The following GPC5 variants were observed in gnomAD, a reference collection of about 807,000 sequenced individuals.
GPC5 encodes the protein glypican 5, also known as glypican-5.
GPC5 carries 47 observed loss-of-function variants against 53.9 expected under a neutral mutation model. The observed-to-expected ratio is 0.87, with a 90% CI of 0.69 to 1.11. The LOEUF is 1.11. GPC5 is among the 50% of genes most tolerant of loss of function. GPC5 has a pLI of 0.00. For missense variants in GPC5, 748 were observed against 713.1 expected, an observed-to-expected ratio of 1.05 and a Z score of -0.56; for synonymous variants, 286 against 263.3, an observed-to-expected ratio of 1.09 and a Z score of -0.84.
At chr13:92,408,375 G>T (rs1462900166) in intron 7 of GPC5, among the ~76,000 whole-genome samples, 1 of 152,026 alleles carries the variant, frequency 6.6e-6, no homozygotes, top group Non-Finnish European at 1.5e-5. Flanking sequence ...ATCATAATTT[G>T]TGTTCCCCTG....
chr13:91,701,195 C>T (rs2035984594), intron 3 of GPC5, among the ~76,000 whole-genome samples: 1 of 152,046 alleles, frequency 6.6e-6, no homozygotes, highest in South Asian at 2.1e-4. Flanking sequence ...ACCTCATGTA[C>T]ACATTTTTTT....
At chr13:91,758,606 T>A (rs1290813664) in intron 5 of GPC5, among the ~76,000 whole-genome samples, 1 of 152,168 alleles carries the variant, frequency 6.6e-6, no homozygotes, top group East Asian at 1.9e-4. Context: ...ACATAATATA[T>A]TTTTAAAGAC....
At chr13:91,619,812 C>T (rs969548518) in intron 2 of GPC5, among the ~76,000 whole-genome samples, 2 of 152,108 alleles carry the variant, frequency 1.3e-5, no homozygotes, top group Non-Finnish European at 2.9e-5. Context: ...CTGATCTATG[C>T]TCAGTGGTGT....
chr13:92,203,241 T>C (rs1370111800), intron 7 of GPC5, among the ~76,000 whole-genome samples: 3 of 151,498 alleles, frequency 2.0e-5, no homozygotes, highest in African/African-American at 7.3e-5. Context: ...CCAACCCAAA[T>C]GTCCAACAAT....
At chr13:92,454,530 T>C (rs1467783907) in intron 7 of GPC5, among the ~76,000 whole-genome samples, 2 of 152,194 alleles carry the variant, frequency 1.3e-5, no homozygotes, top group Non-Finnish European at 2.9e-5. Flanking sequence ...TTAATCCTCA[T>C]AATAAATGCT....
chr13:92,770,393 T>G (rs1195837051), intron 7 of GPC5, among the ~76,000 whole-genome samples: 3 of 133,314 alleles, frequency 2.3e-5, no homozygotes, highest in East Asian at 2.1e-4. Context: ...CCAGCCTGGG[T>G]GACCTAGTGA....
chr13:91,465,999 G>A (rs1205632092), intron 2 of GPC5, among the ~76,000 whole-genome samples: 4 of 152,070 alleles, frequency 2.6e-5, no homozygotes, highest in Admixed American at 2.6e-4. Context: ...CTCCTCTATT[G>A]CTTTTAGTAG....
intron 3 of GPC5, among the ~76,000 whole-genome samples, chr13:91,701,528 T>A (rs1273926604): frequency 6.6e-6 from 1 of 151,996 alleles, no homozygotes; most frequent in Non-Finnish European, 1.5e-5. Context: ...TTCTTTCTTT[T>A]TAAGGCTTAA....
At chr13:91,423,086 G>T (rs1319326317) in intron 1 of GPC5, among the ~76,000 whole-genome samples, 2 of 152,070 alleles carry the variant, frequency 1.3e-5, no homozygotes, top group African/African-American at 4.8e-5. Context: ...AAAATAATCT[G>T]GGAACAAGAA....
At chr13:91,613,798 A>G (rs553240757) in intron 2 of GPC5, among the ~76,000 whole-genome samples, 14 of 152,344 alleles carry the variant, frequency 9.2e-5, no homozygotes, top group African/African-American at 3.1e-4. Flanking sequence ...AGCGCAAATT[A>G]TCACCATATT....
At chr13:91,497,994 A>AT (rs900434198) in intron 2 of GPC5, among the ~76,000 whole-genome samples, 8 of 152,096 alleles carry the variant, frequency 5.3e-5, no homozygotes, top group African/African-American at 1.9e-4. Context: ...GTAAAGATTT[A>AT]TTCCCCTGTC....
rs903831486 is a variant in GPC5, at chr13:92,634,526, C to G, written c.1562-231756C>G. Among the ~76,000 whole-genome samples the G allele has an allele frequency of 9.0e-4, 137 of 152,124 alleles. 1 individual carries two copies. The highest frequency in any genetic ancestry group is 3.3e-3 in the African/African-American group (136 of 41,544). On this transcript the variant is annotated intron_variant, in intron 7 of 7. Coordinates refer to ENST00000377067, the MANE Select transcript of GPC5 (RefSeq NM_004466.6). ...GTATTCGATTCTTTCTCCAATTTTA[C>G]TTTTATAACTATGCTTACCATTCTG...
At chr13:92,657,810 T>C (rs1886191672) in intron 7 of GPC5, among the ~76,000 whole-genome samples, 1 of 152,126 alleles carries the variant, frequency 6.6e-6, no homozygotes, top group Admixed American at 6.5e-5. Flanking sequence ...TAAGGTTACA[T>C]TCTTTTAACT....
chr13:92,806,970 AAC>A (rs1201066797), intron 7 of GPC5, among the ~76,000 whole-genome samples: 3 of 152,106 alleles, frequency 2.0e-5, no homozygotes, highest in Non-Finnish European at 2.9e-5. Context: ...AATTAGTAAA[AAC>A]ACAATATCTG....
At chr13:92,613,227 C>T (rs1359120659) in intron 7 of GPC5, among the ~76,000 whole-genome samples, 1 of 132,738 alleles carries the variant, frequency 7.5e-6, no homozygotes, top group East Asian at 2.1e-4. Context: ...AGCAAGATAT[C>T]ATCTCTACAT....
intron 7 of GPC5, among the ~76,000 whole-genome samples, chr13:92,387,292 G>T (rs772595247): frequency 6.6e-6 from 1 of 152,062 alleles, no homozygotes; most frequent in South Asian, 2.1e-4. Flanking sequence ...CCCAACTGTA[G>T]GGTAATGTAG....
intron 7 of GPC5, among the ~76,000 whole-genome samples, chr13:92,411,133 G>A (rs375177455): frequency 3.9e-5 from 6 of 152,278 alleles, no homozygotes; most frequent in African/African-American, 1.4e-4. Context: ...TGCCAGGCAT[G>A]ATGGCGCACG....
Position 91,719,880 on chromosome 13 carries a change from T to C in GPC5, c.1021-8652T>C, listed in dbSNP as rs532793892. ...CTTTACTAAATCTCCATTTAGATGA[T>C]CTAGTACCTTCAAAGCAGGTGAATA... On this transcript the variant is annotated intron_variant, in intron 3 of 7. Transcript: ENST00000377067. 4.6e-5 allele frequency among the ~76,000 whole-genome samples: 7 copies of C among 152,248 alleles called. No homozygotes were observed. The South Asian group carries it at 1.5e-3, about 32-fold the overall frequency.
chr13:91,734,002 A>T (rs1467361786), intron 4 of GPC5, among the ~76,000 whole-genome samples: 1 of 152,172 alleles, frequency 6.6e-6, no homozygotes, highest in Non-Finnish European at 1.5e-5. Context: ...GATATGTTCC[A>T]TCAATACCTG....
Sources: allele counts gnomAD v4.1 joint callset (sites outside exome capture counted in the v4.1 genomes callset), GRCh38; gene constraint gnomAD v4.1.1; transcripts MANE v1.5; gene names NCBI Gene and HGNC (gene_info 2026-07-23, HGNC 2026-07-21).